PPWD1: variants seen among roughly 807,000 people sequenced by gnomAD.
The protein encoded by PPWD1 is peptidylprolyl isomerase domain and WD repeat-containing protein 1.
In PPWD1, 43 loss-of-function variants were observed where a neutral mutation model predicts 68.8. The observed-to-expected ratio is 0.62, with a 90% CI of 0.49 to 0.81. The LOEUF is 0.81. Ranked by LOEUF, PPWD1 falls within the 30% of genes least tolerant of loss-of-function variation. The pLI is 0.00. For missense variants in PPWD1, 672 were observed against 804.8 expected (o/e 0.83, Z 2.00); for synonymous variants, 232 against 258.7 (o/e 0.90, Z 0.99).
intron 5 of PPWD1, chr5:65,576,668 C>A: frequency 1.3e-6 from 1 of 767,280 alleles, no homozygotes; most frequent in Non-Finnish European, 1.6e-6. Flanking sequence ...AGCCACCATG[C>A]CCAGCCTGAA....
intron 4 of PPWD1, chr5:65,570,390 G>T (rs1752960171): frequency 2.4e-6 from 2 of 835,674 alleles, no homozygotes; most frequent in South Asian, 1.1e-4. Flanking sequence ...CTATTTATTG[G>T]TGACTTTAAA....
At chr5:65,573,476 T>TATATATATATATGTATATATATATA (rs201295161) in intron 5 of PPWD1, among the ~76,000 whole-genome samples, 1 of 59,670 alleles carries the variant, frequency 1.7e-5, no homozygotes, top group Non-Finnish European at 3.3e-5. Context: ...TATATATATA[T>TATATATATATATGTATATATATATA]TTTTTTTTTA....
intron 5 of PPWD1, 104 bp downstream of exon 5, chr5:65,572,390 CTTAT>C (rs1753057948): frequency 8.3e-7 from 1 of 1,210,548 alleles, no homozygotes; most frequent in African/African-American, 1.5e-5. Context: ...TTTAGATAGA[CTTAT>C]TTTTTTCTTA....
chr5:65,585,885 T>G, intron 9 of PPWD1, 114 bp from the exon 10 acceptor site: 1 of 1,456,580 alleles, frequency 6.9e-7, no homozygotes, highest in East Asian at 2.4e-5. Flanking sequence ...CAAATCACTT[T>G]ATAGTGACAG....
At chr5:65,570,331 A>G in intron 4 of PPWD1, 1 of 883,138 alleles carries the variant, frequency 1.1e-6, no homozygotes, top group East Asian at 1.2e-4. Flanking sequence ...TATTTCAGTA[A>G]TATAGAATTG....
chr5:65,587,491 C>A lies in PPWD1; in HGVS notation c.*95C>A. 1 of 969,376 alleles carries A rather than the reference C, an allele frequency of 1.0e-6. No homozygotes were observed. Among genetic ancestry groups the A allele is most frequent in the Non-Finnish European group, 1.4e-6 (1 of 707,328 alleles). 60.0% of individuals were successfully genotyped at this position (969,376 alleles called of 1,614,324 possible). The stretch of plus-strand genomic sequence containing the variant: ...CTTAGGACTTGCTGAATATACAGAT[C>A]ATGTTTCAAAGATACAGTATTTTTG... On this transcript the variant is annotated 3_prime_UTR_variant, in exon 11 of 11. Transcript: ENST00000261308.
rs1321980203 is a variant in PPWD1, at chr5:65,571,937, A to G, written c.620A>G (p.Asp207Gly). The change falls in exon 5 of 11, where the codon GAT (aspartate) becomes GGT (glycine). Residue 207 changes from aspartate (D) to glycine (G), a missense_variant. This residue lies in a region of PPWD1 where 484 missense variants were observed against 646.2 expected (regional missense o/e 0.75). Transcript: ENST00000261308. ...AGTACAGGAAAAATTTTCATTTATG[A>G]TGGCCGAGGAGATAACCAGCCACTT... Reference protein sequence around the residue: ...EKSTGKIFIYDGRGDNQPLHI... With the variant: ...EKSTGKIFIYGGRGDNQPLHI... 1.2e-6 allele frequency: 2 copies of G among 1,613,952 alleles called. No individual in the cohort carries two copies. The highest frequency in any genetic ancestry group is 1.7e-6 in the Non-Finnish European group (2 of 1,179,984).
intron 2 of PPWD1, among the ~76,000 whole-genome samples, chr5:65,568,379 CTTCA>C (rs1236240920): frequency 1.3e-5 from 2 of 152,058 alleles, no homozygotes; most frequent in Admixed American, 6.6e-5. Flanking sequence ...AGTACATGCT[CTTCA>C]TTTTAGAGAT....
At chr5:65,580,577 G>C (rs1427490134) in intron 7 of PPWD1, among the ~76,000 whole-genome samples, 1 of 152,158 alleles carries the variant, frequency 6.6e-6, no homozygotes, top group Non-Finnish European at 1.5e-5. Context: ...GCAGTGACGT[G>C]ACTTCAGCTC....
Position 65,586,051 on chromosome 5 carries a change from G to A in PPWD1, c.1667G>A (p.Ser556Asn). 6.2e-7 allele frequency: 1 copy of A among 1,613,698 alleles called. No homozygotes were observed. Among genetic ancestry groups the A allele is most frequent in the Non-Finnish European group, 8.5e-7 (1 of 1,179,672 alleles). ...ACAGGTACTGGTATGGGAGGAGAAA[G>A]CATATGGGGAGGAGAATTTGAAGAT... ...DPTGTGMGGESIWGGEFEDEF... is the reference protein window; with the variant it reads ...DPTGTGMGGENIWGGEFEDEF... Residue 556 changes from serine (S) to asparagine (N), a missense_variant, in exon 10 of 11, where the codon AGC (serine) becomes AAC (asparagine). Ser to Asn is a conservative substitution (Grantham distance 46, BLOSUM62 1). Coordinates refer to ENST00000261308, the MANE Select transcript of PPWD1 (RefSeq NM_015342.4).
At chr5:65,579,230 T>TC in intron 6 of PPWD1, 194 bp from the exon 7 acceptor site, 5 of 930,010 alleles carry the variant, frequency 5.4e-6, no homozygotes, top group Non-Finnish European at 5.6e-6. Flanking sequence ...TTTCTGTTTT[T>TC]TAACCTGAAA....
Position 65,563,435 on chromosome 5 carries a change from A to G in PPWD1, c.125A>G (p.Asn42Ser), listed in dbSNP as rs939340133. ...GTAGCAGTGGCGGTGTCCCAGGAGA[A>G]CGATGAGGAGAACGAAGAGCGCTGG... ...LAVAVAVSQENDEENEERWVG... is the reference protein window; with the variant it reads ...LAVAVAVSQESDEENEERWVG... The change falls in exon 1 of 11, where the codon AAC becomes AGC. Residue 42 changes from asparagine to serine, a missense_variant. By Grantham distance (46) the Asn-to-Ser change is conservative. Coordinates refer to ENST00000261308, the MANE Select transcript of PPWD1 (RefSeq NM_015342.4). The G allele has an allele frequency of 3.1e-6, 5 of 1,614,052 alleles. No homozygotes were observed. In the African/African-American group the frequency reaches 5.3e-5, roughly 17 times the overall value.
chr5:65,587,154 G>A (rs1447862268), intron 10 of PPWD1, 99 bp from the exon 11 acceptor site: 5 of 1,264,254 alleles, frequency 4.0e-6, no homozygotes, highest in Non-Finnish European at 5.3e-6. Context: ...TATGCTAAAG[G>A]GGAGCGTAAA....
intron 7 of PPWD1, chr5:65,582,776 C>G (rs1263706287): frequency 1.1e-5 from 3 of 272,806 alleles, no homozygotes; most frequent in Non-Finnish European, 1.3e-5. Context: ...AATGTTTGCC[C>G]AAGAAAATTT....
At chr5:65,566,920 A>T (rs1449247597) in intron 1 of PPWD1, among the ~76,000 whole-genome samples, 1 of 151,250 alleles carries the variant, frequency 6.6e-6, no homozygotes, top group Non-Finnish European at 1.5e-5. Context: ...GATTTTTTCC[A>T]GGTTTTGCCG....
chr5:65,567,378 T>A, intron 1 of PPWD1, 135 bp from the exon 2 acceptor site: 1 of 1,280,608 alleles, frequency 7.8e-7, no homozygotes, highest in East Asian at 2.7e-5. Flanking sequence ...GATTTTTTAA[T>A]TGTGAATTGA....
chr5:65,563,837 T>C, intron 1 of PPWD1: 1 of 1,496,074 alleles, frequency 6.7e-7, no homozygotes, highest in Non-Finnish European at 9.0e-7. Context: ...AACTCTTATT[T>C]AGGTATGCAA....
intron 4 of PPWD1, 89 bp from the exon 5 acceptor site, chr5:65,571,750 G>A (rs1256604274): frequency 6.6e-7 from 1 of 1,515,528 alleles, no homozygotes; most frequent in East Asian, 2.3e-5. Flanking sequence ...TAAATCACCA[G>A]CCAAGACATT....
rs145372576 is a variant in PPWD1, at chr5:65,563,456, G to T, written c.146G>T (p.Arg49Leu). ...SQENDEENEE[R>L]WVGPLPVEAT... Reference sequence around the variant, plus strand: ...GAGAACGATGAGGAGAACGAAGAGCGCTGGGTTGGACCTTTACCTGTGGAG... The same window carrying T: ...GAGAACGATGAGGAGAACGAAGAGCTCTGGGTTGGACCTTTACCTGTGGAG... The change falls in exon 1 of 11, where the codon CGC becomes CTC. Residue 49 changes from arginine to leucine, a missense_variant. Physicochemically the swap from Arg to Leu is moderately radical, Grantham distance 102. This residue lies in a region of PPWD1 where 188 missense variants were observed against 158.6 expected (regional missense o/e 1.19). Transcript: ENST00000261308. 20 of 1,613,948 alleles carry T rather than the reference G, an allele frequency of 1.2e-5. No individual in the cohort carries two copies. The highest frequency in any genetic ancestry group is 4.5e-5 in the East Asian group (2 of 44,884).
Sources: gnomAD v4.1 joint callset for allele counts (sites outside exome capture counted in the v4.1 genomes callset) on GRCh38, gnomAD v4.1.1 for gene constraint, gnomAD v4.1.1 regional missense constraint, MANE v1.5 for transcripts, NCBI Gene and HGNC (gene_info 2026-07-23, HGNC 2026-07-21) for gene names.